The following KIF3C variants were observed in gnomAD, a reference collection of about 807,000 sequenced individuals.
KIF3C encodes kinesin-like protein KIF3C.
In KIF3C, 12 loss-of-function variants were observed where a neutral mutation model predicts 67.7. The ratio of observed to expected loss-of-function variants is 0.18; its 90% CI spans 0.11 to 0.29. KIF3C has a LOEUF of 0.29. Ranked by LOEUF, KIF3C falls within the 10% of genes least tolerant of loss-of-function variation. The probability of loss-of-function intolerance (pLI) is 1.00; values close to 1 mark genes in which losing one functional copy is unlikely to be tolerated. For synonymous variants in KIF3C, 393 were observed against 426.2 expected (o/e 0.92, Z 0.96); for missense variants, 789 against 1,059.6 (o/e 0.74, Z 3.55).
intron 5 of KIF3C, among the ~76,000 whole-genome samples, chr2:25,931,996 CTGTTT>C (rs1046506829): frequency 1.5e-5 from 2 of 131,440 alleles, no homozygotes; most frequent in Non-Finnish European, 3.2e-5. Context: ...GTTGTTTCTT[CTGTTT>C]TGTTTTTTTT....
chr2:25,928,961 G>GC lies in KIF3C; in HGVS notation c.*16dup. ...ATCCCAGGAGTCTATTGGATGGGCAGCCTGACGTGATGGTTGTCACTCATG... is the reference window on the plus strand; with the variant it reads ...ATCCCAGGAGTCTATTGGATGGGCAGCCCTGACGTGATGGTTGTCACTCATG... On this transcript the variant is annotated 3_prime_UTR_variant, in exon 8 of 8. Coordinates refer to ENST00000264712, the MANE Select transcript of KIF3C (RefSeq NM_002254.8). 1 of 1,608,290 alleles carries GC rather than the reference G, an allele frequency of 6.2e-7. No individual in the cohort carries two copies.
rs187831513 is a variant in KIF3C, at chr2:25,952,189, T to G, written c.1890-284A>C. On this transcript the variant is annotated intron_variant, in intron 4 of 7. Coordinates refer to ENST00000264712, the MANE Select transcript of KIF3C (RefSeq NM_002254.8). ...GTGGTGGGTGCCTGTAGTCCCAAGCTACTCAGGAGGCTGAGGCAGGAGAAT... is the reference window on the plus strand; with the variant it reads ...GTGGTGGGTGCCTGTAGTCCCAAGCGACTCAGGAGGCTGAGGCAGGAGAAT... Among the ~76,000 whole-genome samples the G allele has an allele frequency of 6.4e-3, 980 of 152,094 alleles. 8 individuals are homozygous for G. Among genetic ancestry groups the G allele is most frequent in the Non-Finnish European group, 9.5e-3 (643 of 67,994 alleles).
At chr2:25,976,087 T>TA (rs1664406720) in intron 1 of KIF3C, among the ~76,000 whole-genome samples, 1 of 152,232 alleles carries the variant, frequency 6.6e-6, no homozygotes, top group Non-Finnish European at 1.5e-5. Context: ...TTATTACTGT[T>TA]ACTGTTGTCG....
intron 1 of KIF3C, among the ~76,000 whole-genome samples, chr2:25,962,802 A>AATATATT (rs1663989792): frequency 1.1e-5 from 1 of 89,636 alleles, no homozygotes; most frequent in African/African-American, 5.0e-5. Context: ...TATATTATAT[A>AATATATT]ATATATAATA....
chr2:25,937,641 G>T (rs541572757), intron 5 of KIF3C, among the ~76,000 whole-genome samples: 1 of 152,192 alleles, frequency 6.6e-6, no homozygotes, highest in Admixed American at 6.5e-5. Context: ...AACAACCTCC[G>T]GAGGTGTGGA....
intron 5 of KIF3C, among the ~76,000 whole-genome samples, chr2:25,950,955 G>A (rs2149231174): frequency 6.6e-6 from 1 of 151,908 alleles, no homozygotes; most frequent in East Asian, 1.9e-4. Context: ...TAACCAAGTA[G>A]GCATCTGATG....
At chr2:25,973,520 C>T (rs970249437) in intron 1 of KIF3C, among the ~76,000 whole-genome samples, 2 of 145,016 alleles carry the variant, frequency 1.4e-5, no homozygotes, top group Non-Finnish European at 3.0e-5. Context: ...TCCCACTGTA[C>T]TCCAGCCTGG....
chr2:25,950,805 C>T (rs186439304), intron 5 of KIF3C, among the ~76,000 whole-genome samples: 6 of 151,684 alleles, frequency 4.0e-5, no homozygotes, highest in Admixed American at 1.3e-4. Flanking sequence ...CCTCTATTCA[C>T]GTGCTTGCCA....
chr2:25,966,720 T>C lies in KIF3C; in HGVS notation c.1546-10276A>G, dbSNP rs139123958. ...TCTGGAAAGATAGCATCAAGTATGATTTTACAAGGACAGAGAAGCCAAACA... is the reference window on the plus strand; with the variant it reads ...TCTGGAAAGATAGCATCAAGTATGACTTTACAAGGACAGAGAAGCCAAACA... On this transcript the variant is annotated intron_variant, in intron 1 of 7. Transcript: ENST00000264712. Among the ~76,000 whole-genome samples, 80 of 152,314 alleles carry C rather than the reference T, an allele frequency of 5.3e-4. 2 individuals are homozygous for C. The East Asian group carries it at 0.015, about 29-fold the overall frequency.
chr2:25,980,549 T>C lies in KIF3C; in HGVS notation c.1369A>G (p.Met457Val). 6.2e-7 allele frequency: 1 copy of C among 1,614,126 alleles called. No individual in the cohort carries two copies. Among genetic ancestry groups the C allele is most frequent in the South Asian group, 1.1e-5 (1 of 91,082 alleles). ...PILESALEKNMENYLQEQKER... is the reference protein window; with the variant it reads ...PILESALEKNVENYLQEQKER... ...TTCTGTTCCTGCAGGTAATTCTCCA[T>C]GTTCTTCTCCAAGGCTGACTCCAGG... is the stretch of plus-strand genomic sequence containing the variant. The change falls in exon 1 of 8, where the codon ATG becomes GTG. Residue 457 changes from methionine to valine, a missense_variant. By Grantham distance (21) the Met-to-Val change is conservative. Around this residue, in one of 2 missense-constraint regions of KIF3C, gnomAD observed 648 missense variants for 807.8 expected, o/e 0.80. Coordinates refer to ENST00000264712, the MANE Select transcript of KIF3C (RefSeq NM_002254.8). This position sits in a 1 kb window ranked among gnomAD's most constrained non-coding sequence, Gnocchi z 7.6.
chr2:25,958,578 CACAAAAAACAAAAA>C lies in KIF3C; in HGVS notation c.1546-2148_1546-2135del, dbSNP rs765870617. Among the ~76,000 whole-genome samples the C allele has an allele frequency of 6.6e-6, 1 of 151,328 alleles. No homozygotes were observed. Among genetic ancestry groups the C allele is most frequent in the Non-Finnish European group, 1.5e-5 (1 of 67,784 alleles). On this transcript the variant is annotated intron_variant, in intron 1 of 7. Transcript: ENST00000264712. The surrounding 1 kb of genome is among the most constrained non-coding windows in gnomAD (Gnocchi z 4.5). ...CCTGGGTGCCAGAGTGAGACTTCAT[CACAAAAAACAAAAA>C]ACAAAAAACAGCACAACTCTGAATG...
chr2:25,977,911 T>G (rs1412616782), intron 1 of KIF3C, among the ~76,000 whole-genome samples: 3 of 152,176 alleles, frequency 2.0e-5, no homozygotes, highest in Non-Finnish European at 2.9e-5. Context: ...TGTCCTAGGC[T>G]GAGTGTGATG....
At chr2:25,954,235 G>A (rs1574487820) in intron 4 of KIF3C, 32 bp downstream of exon 4, 1 of 1,509,750 alleles carries the variant, frequency 6.6e-7, no homozygotes, top group South Asian at 1.1e-5. Flanking sequence ...CTGGCTGTGG[G>A]GACCCGGGAT....
At chr2:25,929,915 C>T (rs1424521012) in intron 6 of KIF3C, 40 bp downstream of exon 6, 3 of 1,436,214 alleles carry the variant, frequency 2.1e-6, no homozygotes, top group Non-Finnish European at 2.0e-6. Flanking sequence ...CTCGCCCGGC[C>T]TCCCTCCCGT....
At position 25,958,324 on chromosome 2, in the gene KIF3C, T is replaced by C. The variant is rs1033288431; in HGVS notation, c.1546-1880A>G. On this transcript the variant is annotated intron_variant, in intron 1 of 7. Coordinates refer to ENST00000264712, the MANE Select transcript of KIF3C (RefSeq NM_002254.8). This position sits in a 1 kb window ranked among gnomAD's most constrained non-coding sequence, Gnocchi z 4.5. ...GGCTGGGGACGGTGGCTCATGCCCG[T>C]AATCCCAGCACTTTGGGAAGTTGAG... is the stretch of plus-strand genomic sequence containing the variant. Among the ~76,000 whole-genome samples the C allele has an allele frequency of 7.2e-5, 11 of 152,234 alleles. No individual in the cohort carries two copies. Among genetic ancestry groups the C allele is most frequent in the Middle Eastern group, 3.4e-3 (1 of 294 alleles).
chr2:25,950,485 G>A (rs1663579173), intron 5 of KIF3C, among the ~76,000 whole-genome samples: 1 of 151,362 alleles, frequency 6.6e-6, no homozygotes, highest in Non-Finnish European at 1.5e-5. Flanking sequence ...GCCTCCCAAA[G>A]TGCTGAGATT....
intron 5 of KIF3C, among the ~76,000 whole-genome samples, chr2:25,937,104 A>G (rs1663150340): frequency 6.6e-6 from 1 of 152,252 alleles, no homozygotes; most frequent in Non-Finnish European, 1.5e-5. Context: ...AGCTGTGATT[A>G]TGATTTATTT....
chr2:25,961,936 A>G (rs1663953996), intron 1 of KIF3C, among the ~76,000 whole-genome samples: 1 of 142,076 alleles, frequency 7.0e-6, no homozygotes, highest in Admixed American at 7.5e-5. Context: ...TAACAGAATG[A>G]GACTCCATCT....
chr2:25,960,923 G>C (rs1203699487), intron 1 of KIF3C, among the ~76,000 whole-genome samples: 1 of 152,186 alleles, frequency 6.6e-6, no homozygotes, highest in Non-Finnish European at 1.5e-5. Flanking sequence ...GCAACAGTGA[G>C]ACCCTGTCTC....
Sources: gnomAD v4.1 joint callset for allele counts (sites outside exome capture counted in the v4.1 genomes callset) on GRCh38, gnomAD v4.1.1 for gene constraint, gnomAD v4.1.1 regional missense constraint, Gnocchi (gnomAD v3.1) non-coding constraint, MANE v1.5 for transcripts, NCBI Gene and HGNC (gene_info 2026-07-23, HGNC 2026-07-21) for gene names.